Variants in AAK1 observed in about 807,000 individuals in gnomAD.
AAK1 encodes the protein AP2 associated kinase 1.
AAK1 carries 37 observed loss-of-function variants against 116.0 expected under a neutral mutation model. The observed-to-expected ratio is 0.32, with a 90% CI of 0.25 to 0.42. AAK1 has a LOEUF of 0.42. Ranked by LOEUF, AAK1 falls within the 10% of genes least tolerant of loss-of-function variation. The probability of loss-of-function intolerance (pLI) is 1.00; values close to 1 mark genes in which losing one functional copy is unlikely to be tolerated. For synonymous variants in AAK1, 458 were observed against 439.9 expected, an observed-to-expected ratio of 1.04 and a Z score of -0.51; for missense variants, 919 against 1,170.6, an observed-to-expected ratio of 0.79 and a Z score of 3.14.
chr2:69,478,707 G>T (rs753897495), intron 20 of AAK1: 2 of 380,290 alleles, frequency 5.3e-6, no homozygotes, highest in Admixed American at 4.3e-5. Context: ...TCCCACCTCA[G>T]CCTCCCAAAG....
Position 69,472,994 on chromosome 2 carries a change from C to T in AAK1, c.*2875G>A, listed in dbSNP as rs1674731200. The T allele has an allele frequency of 1.0e-6, 1 of 983,428 alleles. No homozygotes were observed. Among genetic ancestry groups the T allele is most frequent in the African/African-American group, 1.7e-5 (1 of 57,196 alleles). The allele number at this position is 983,428 out of a possible 1,614,324, so 60.9% of individuals were successfully genotyped here. A position where few individuals can be genotyped will look rare whatever the true frequency, so the allele number is the denominator to read the frequency against. On this transcript the variant is annotated 3_prime_UTR_variant, in exon 22 of 22. Transcript: ENST00000409085. ...TAATAGCAGGAACTACAGAAGATAA[C>T]TGAAGAACATCAGGATTATATAAAT...
chr2:69,601,720 C>T (rs990019573), intron 2 of AAK1, among the ~76,000 whole-genome samples: 2 of 152,000 alleles, frequency 1.3e-5, no homozygotes, highest in Non-Finnish European at 2.9e-5. Flanking sequence ...GAATGGTTCA[C>T]TTTCTCTTGG....
chr2:69,619,151 G>A (rs1434738820), intron 2 of AAK1, among the ~76,000 whole-genome samples: 1 of 152,086 alleles, frequency 6.6e-6, no homozygotes, highest in Non-Finnish European at 1.5e-5. Context: ...ACTGCCTCAT[G>A]GTGTCCATCC....
intron 4 of AAK1, 178 bp downstream of exon 4, chr2:69,544,258 T>C: frequency 3.5e-6 from 2 of 575,026 alleles, no homozygotes; most frequent in South Asian, 4.8e-5. Context: ...ATTATCTACG[T>C]TTGTACCGTT....
intron 2 of AAK1, chr2:69,597,247 A>G (rs1467324625): frequency 6.6e-6 from 1 of 152,182 alleles, no homozygotes; most frequent in African/African-American, 2.4e-5. Flanking sequence ...TAAATGTTCA[A>G]CTGGTGAAAC....
intron 2 of AAK1, among the ~76,000 whole-genome samples, chr2:69,605,399 C>T (rs919337166): frequency 4.7e-5 from 7 of 149,668 alleles, no homozygotes; most frequent in African/African-American, 1.8e-4. Flanking sequence ...AACCATTCTC[C>T]TTGCTCTGCC....
At chr2:69,566,284 G>C (rs1440673275) in intron 2 of AAK1, among the ~76,000 whole-genome samples, 1 of 152,148 alleles carries the variant, frequency 6.6e-6, no homozygotes, top group African/African-American at 2.4e-5. Context: ...CAGGAGAAAA[G>C]GTCAATGCAA....
chr2:69,597,815 T>C (rs1303753809), intron 2 of AAK1: 1 of 161,444 alleles, frequency 6.2e-6, no homozygotes, highest in African/African-American at 2.4e-5. Flanking sequence ...AAGGCTGCAG[T>C]GAGCCATGAT....
Position 69,472,968 on chromosome 2 carries a change from G to A in AAK1, c.*2901C>T, listed in dbSNP as rs1443223342. On this transcript the variant is annotated 3_prime_UTR_variant, in exon 22 of 22. Transcript: ENST00000409085. Reference sequence around the variant, plus strand: ...TCTTTAAAATGTAAACACTGCTACCGTAATAGCAGGAACTACAGAAGATAA... The same window carrying A: ...TCTTTAAAATGTAAACACTGCTACCATAATAGCAGGAACTACAGAAGATAA... 14 of 984,872 alleles carry A rather than the reference G, an allele frequency of 1.4e-5. No homozygotes were observed. The highest frequency in any genetic ancestry group is 2.3e-4 in the East Asian group (2 of 8,812). The allele number at this position is 984,872 out of a possible 1,614,324, so 61.0% of individuals were successfully genotyped here.
intron 2 of AAK1, among the ~76,000 whole-genome samples, chr2:69,582,834 G>A (rs1434449474): frequency 6.6e-6 from 1 of 152,196 alleles, no homozygotes; most frequent in Non-Finnish European, 1.5e-5. Flanking sequence ...GAATGCTGAT[G>A]TCTAGCATCT....
At chr2:69,567,556 CA>C (rs1265125828) in intron 2 of AAK1, among the ~76,000 whole-genome samples, 1 of 151,838 alleles carries the variant, frequency 6.6e-6, no homozygotes, top group African/African-American at 2.4e-5. Context: ...TAAAGGATAC[CA>C]ATAAAAAATT....
intron 2 of AAK1, among the ~76,000 whole-genome samples, chr2:69,599,653 T>C (rs573524893): frequency 6.6e-6 from 1 of 152,370 alleles, no homozygotes; most frequent in African/African-American, 2.4e-5. Flanking sequence ...TAGGTTGTTA[T>C]TGTGTATCAG....
chr2:69,479,123 T>A, intron 19 of AAK1, 62 bp from the exon 20 acceptor site: 1 of 1,118,204 alleles, frequency 8.9e-7, no homozygotes, highest in Non-Finnish European at 1.4e-6. Context: ...CACAACAATA[T>A]CATGAGATTA....
chr2:69,587,403 A>G (rs1410935595), intron 2 of AAK1, among the ~76,000 whole-genome samples: 1 of 151,696 alleles, frequency 6.6e-6, no homozygotes, highest in East Asian at 1.9e-4. Context: ...GTGTACATAT[A>G]TACACATGTG....
chr2:69,574,569 C>T (rs1672222817), intron 2 of AAK1, among the ~76,000 whole-genome samples: 1 of 150,898 alleles, frequency 6.6e-6, no homozygotes, highest in Non-Finnish European at 1.5e-5. Flanking sequence ...GGCAACATAG[C>T]AAGAGCCCAT....
At chr2:69,505,457 C>T (rs1009321304) in intron 16 of AAK1, 112 bp downstream of exon 16, 7 of 662,780 alleles carry the variant, frequency 1.1e-5, no homozygotes, top group Non-Finnish European at 1.8e-5. Context: ...TATATATACA[C>T]GGTACTGCCA....
chr2:69,630,094 A>C (rs948945639), intron 2 of AAK1, among the ~76,000 whole-genome samples: 6 of 152,154 alleles, frequency 3.9e-5, no homozygotes, highest in Non-Finnish European at 8.8e-5. Flanking sequence ...TGGTGGAAGC[A>C]GCAGACCTGC....
At chr2:69,603,680 A>G (rs1558995626) in intron 2 of AAK1, among the ~76,000 whole-genome samples, 1 of 152,238 alleles carries the variant, frequency 6.6e-6, no homozygotes, top group Non-Finnish European at 1.5e-5. Context: ...GAGAACATTT[A>G]GGTATACAAT....
chr2:69,581,476 G>C (rs1474273964), intron 2 of AAK1, among the ~76,000 whole-genome samples: 18 of 152,114 alleles, frequency 1.2e-4, no homozygotes, highest in Admixed American at 1.1e-3. Flanking sequence ...AATAATATAA[G>C]GATGACTAGT....
Sources: allele counts gnomAD v4.1 joint callset (sites outside exome capture counted in the v4.1 genomes callset), GRCh38; gene constraint gnomAD v4.1.1; transcripts MANE v1.5; gene names NCBI Gene and HGNC (gene_info 2026-07-23, HGNC 2026-07-21).